Variants in ATP2B2 observed in about 807,000 individuals in gnomAD.
ATP2B2 encodes the protein ATPase plasma membrane Ca2+ transporting 2, also known as plasma membrane calcium-transporting ATPase 2.
A neutral mutation model predicts 120.0 loss-of-function variants in ATP2B2; 15 were observed. The ratio of observed to expected loss-of-function variants is 0.12; its 90% CI spans 0.08 to 0.19. The LOEUF is 0.19. ATP2B2 is among the 10% of genes least tolerant of loss of function. The pLI is 1.00. For missense variants in ATP2B2, 1,045 were observed against 1,719.8 expected (o/e 0.61, Z 6.94); for synonymous variants, 694 against 700.3 (o/e 0.99, Z 0.14).
intron 1 of ATP2B2, among the ~76,000 whole-genome samples, chr3:10,477,136 C>G (rs2065234493): frequency 6.6e-6 from 1 of 152,212 alleles, no homozygotes; most frequent in South Asian, 2.1e-4. Flanking sequence ...ACACCAGTGT[C>G]CTGCCTGGCC....
chr3:10,474,563 C>G lies in ATP2B2; in HGVS notation c.-319-24701G>C, dbSNP rs568657854. 2.6e-5 allele frequency among the ~76,000 whole-genome samples: 4 copies of G among 152,348 alleles called. No homozygotes were observed. The East Asian group carries it at 7.7e-4, about 29-fold the overall frequency. Reference sequence around the variant, plus strand: ...CACGCAGCCACCCTGGCAGACCTGACTAGGTGCCTTGCTTGGCTCCCACTG... The same window carrying G: ...CACGCAGCCACCCTGGCAGACCTGAGTAGGTGCCTTGCTTGGCTCCCACTG... On this transcript the variant is annotated intron_variant, in intron 1 of 22. Coordinates refer to ENST00000360273, the MANE Select transcript of ATP2B2 (RefSeq NM_001001331.4).
At chr3:10,697,871 A>G (rs35098602) in intron 1 of ATP2B2, among the ~76,000 whole-genome samples, 6,528 of 152,294 alleles carry the variant, frequency 0.043, 178 homozygotes, top group South Asian at 0.13. Flanking sequence ...ACTTTTCTCA[A>G]TACCTACCAC....
chr3:10,422,580 G>T (rs778928036), intron 2 of ATP2B2, among the ~76,000 whole-genome samples: 3 of 152,320 alleles, frequency 2.0e-5, no homozygotes, highest in Non-Finnish European at 2.9e-5. Flanking sequence ...GATAGCATTT[G>T]TCACCCAGCT....
chr3:10,682,155 A>T (rs1335230722), intron 1 of ATP2B2, among the ~76,000 whole-genome samples: 1 of 152,180 alleles, frequency 6.6e-6, no homozygotes, highest in Non-Finnish European at 1.5e-5. Flanking sequence ...ATGGAAAGAA[A>T]CCTCGAAGGC....
chr3:10,425,171 G>C (rs549570709), intron 2 of ATP2B2, among the ~76,000 whole-genome samples: 1 of 151,888 alleles, frequency 6.6e-6, no homozygotes, highest in East Asian at 1.9e-4. Context: ...TTAGCTGGGC[G>C]TGGTTGTGCA....
intron 2 of ATP2B2, among the ~76,000 whole-genome samples, chr3:10,550,817 A>T (rs2067652324): frequency 6.6e-6 from 1 of 152,200 alleles, no homozygotes; most frequent in East Asian, 1.9e-4. Context: ...GTCATGGTGA[A>T]GGCGAAGGGG....
At chr3:10,345,838 C>A (rs1202129593) in intron 17 of ATP2B2, among the ~76,000 whole-genome samples, 193 bp downstream of exon 17, 2 of 152,314 alleles carry the variant, frequency 1.3e-5, no homozygotes, top group Admixed American at 6.5e-5. Context: ...ACACAGCTCC[C>A]CCAGAGCAAG....
At chr3:10,471,805 C>A (rs987433450) in intron 1 of ATP2B2, among the ~76,000 whole-genome samples, 30 of 152,142 alleles carry the variant, frequency 2.0e-4, no homozygotes, top group African/African-American at 7.2e-4. Flanking sequence ...TAATAATTTT[C>A]TTTTAAAAAA....
chr3:10,554,073 G>T (rs544270503), intron 2 of ATP2B2, among the ~76,000 whole-genome samples: 1 of 152,020 alleles, frequency 6.6e-6, no homozygotes, highest in Non-Finnish European at 1.5e-5. Context: ...ATGAGGGCCC[G>T]GTGAGAGGCT....
At chr3:10,628,602 G>A (rs903434518) in intron 1 of ATP2B2, among the ~76,000 whole-genome samples, 5 of 152,186 alleles carry the variant, frequency 3.3e-5, no homozygotes, top group African/African-American at 1.2e-4. Flanking sequence ...TCACAATTCC[G>A]ACCCATGGAC....
At chr3:10,466,828 T>C (rs1440383327) in intron 1 of ATP2B2, among the ~76,000 whole-genome samples, 1 of 152,148 alleles carries the variant, frequency 6.6e-6, no homozygotes, top group Admixed American at 6.5e-5. Flanking sequence ...GTAAGAAAAC[T>C]AAGGCTAGAG....
intron 9 of ATP2B2, 66 bp downstream of exon 9, chr3:10,379,177 T>G: frequency 6.5e-7 from 1 of 1,545,254 alleles, no homozygotes; most frequent in Non-Finnish European, 8.9e-7. Context: ...GTCTCTGGTG[T>G]GACTGTCAGA....
At chr3:10,694,098 C>A (rs1211614489) in intron 1 of ATP2B2, among the ~76,000 whole-genome samples, 1 of 152,218 alleles carries the variant, frequency 6.6e-6, no homozygotes, top group Non-Finnish European at 1.5e-5. Flanking sequence ...AAGTATAATA[C>A]CAAAACCAAG....
At chr3:10,356,964 TGAGA>T (rs4040764) in intron 14 of ATP2B2, among the ~76,000 whole-genome samples, 3,395 of 144,278 alleles carry the variant, frequency 0.024, 117 homozygotes, top group African/African-American at 0.076. Flanking sequence ...TGTGTGTGTA[TGAGA>T]GAGAGAGAGA....
At chr3:10,641,732 G>A (rs1290272160) in intron 1 of ATP2B2, among the ~76,000 whole-genome samples, 1 of 152,148 alleles carries the variant, frequency 6.6e-6, no homozygotes, top group Non-Finnish European at 1.5e-5. Flanking sequence ...GGAGTTCTGA[G>A]GGACCGGGAA....
chr3:10,636,645 C>A (rs1190191331), intron 1 of ATP2B2, among the ~76,000 whole-genome samples: 1 of 152,152 alleles, frequency 6.6e-6, no homozygotes, highest in Admixed American at 6.5e-5. Flanking sequence ...GGACATCAGA[C>A]AACAATGGTC....
intron 2 of ATP2B2, among the ~76,000 whole-genome samples, chr3:10,537,013 T>C (rs985324994): frequency 5.3e-5 from 8 of 152,234 alleles, no homozygotes; most frequent in Non-Finnish European, 8.8e-5. Context: ...CTTTACTCCA[T>C]TGAATTGCTT....
chr3:10,407,886 C>T (rs921717739), intron 3 of ATP2B2, among the ~76,000 whole-genome samples: 1 of 152,186 alleles, frequency 6.6e-6, no homozygotes, highest in Non-Finnish European at 1.5e-5. Flanking sequence ...CTATCATTCA[C>T]CCCCTTTTAT....
At chr3:10,624,855 T>C (rs1260124553) in intron 1 of ATP2B2, among the ~76,000 whole-genome samples, 2 of 152,196 alleles carry the variant, frequency 1.3e-5, no homozygotes, top group Non-Finnish European at 2.9e-5. Context: ...TTAAATGTTT[T>C]CCTTTTTCTG....
Sources: allele counts gnomAD v4.1 joint callset (sites outside exome capture counted in the v4.1 genomes callset), GRCh38; gene constraint gnomAD v4.1.1; transcripts MANE v1.5; gene names NCBI Gene and HGNC (gene_info 2026-07-23, HGNC 2026-07-21).